MSRA: variants seen among roughly 807,000 people sequenced by gnomAD.
MSRA encodes the protein mitochondrial peptide methionine sulfoxide reductase.
Under a neutral mutation model 31.3 loss-of-function variants are expected in MSRA, and 54 were observed. The ratio of observed to expected loss-of-function variants is 1.73; its 90% CI spans 1.39 to 2.17. The LOEUF is 2.17. Ranked by LOEUF, MSRA falls within the 30% of genes most tolerant of loss-of-function variation. The pLI, the probability that MSRA is intolerant of heterozygous loss-of-function variation, is 0.00. For synonymous variants in MSRA, 169 were observed against 116.5 expected (o/e 1.45, Z -2.90); for missense variants, 507 against 300.9 (o/e 1.69, Z -5.07).
chr8:10,054,568 T>G lies in MSRA; in HGVS notation c.52T>G (p.Phe18Val). The change falls in exon 1 of 6, where the codon TTT becomes GTT. Residue 18 changes from phenylalanine to valine, a missense_variant. Physicochemically the swap from Phe to Val is conservative, Grantham distance 50. Transcript: ENST00000317173. Reference protein sequence around the residue: ...ACQLLLLHSLFPVPRMGNSAS... With the variant: ...ACQLLLLHSLVPVPRMGNSAS... ...CCAGCTCCTCCTCCTCCACAGCCTC[T>G]TTCCCGTCCCGAGGATGGGCAACTC... 6.3e-7 allele frequency: 1 copy of G among 1,587,412 alleles called. No individual in the cohort carries two copies. Among genetic ancestry groups the G allele is most frequent in the Non-Finnish European group, 8.6e-7 (1 of 1,167,106 alleles).
chr8:10,284,583 C>T (rs986607908), intron 3 of MSRA, among the ~76,000 whole-genome samples: 1 of 152,204 alleles, frequency 6.6e-6, no homozygotes, highest in African/African-American at 2.4e-5. Context: ...ACATTGGATT[C>T]ATGTCCATTA....
chr8:10,393,319 C>G (rs1307935846), intron 5 of MSRA, among the ~76,000 whole-genome samples: 1 of 152,132 alleles, frequency 6.6e-6, no homozygotes, highest in African/African-American at 2.4e-5. Context: ...ATTCTTCCAT[C>G]GAATTTTCCA....
chr8:10,356,717 C>G (rs1438201740), intron 5 of MSRA, among the ~76,000 whole-genome samples: 1 of 152,000 alleles, frequency 6.6e-6, no homozygotes, highest in East Asian at 1.9e-4. Context: ...AGGAGGCAGT[C>G]CCTCACCAGA....
chr8:10,374,307 G>A (rs1223195210), intron 5 of MSRA, among the ~76,000 whole-genome samples: 1 of 152,174 alleles, frequency 6.6e-6, no homozygotes, highest in Non-Finnish European at 1.5e-5. Context: ...AAGGGCTGGT[G>A]GTATTGGATG....
chr8:10,198,994 C>G (rs1353713379), intron 1 of MSRA, among the ~76,000 whole-genome samples: 3 of 152,190 alleles, frequency 2.0e-5, no homozygotes, highest in East Asian at 1.9e-4. Context: ...TTGCACGAAT[C>G]AAAGCTAGTC....
In MSRA at chr8:10,203,685, A is replaced by G. The variant is rs112761535; in HGVS notation, c.143-4148A>G. Among the ~76,000 whole-genome samples, 1,074 of 152,358 alleles carry G rather than the reference A, an allele frequency of 7.0e-3. 21 individuals are homozygous for G. Among genetic ancestry groups the G allele is most frequent in the African/African-American group, 0.024 (1,004 of 41,588 alleles). On this transcript the variant is annotated intron_variant, in intron 1 of 5. Coordinates refer to ENST00000317173, the MANE Select transcript of MSRA (RefSeq NM_012331.5). ...AAACAATGATGTTACTGGCTTATGT[A>G]TTTGCTATACTATACTTTTTGTCCT... is the stretch of plus-strand genomic sequence containing the variant.
intron 1 of MSRA, among the ~76,000 whole-genome samples, chr8:10,154,014 A>G (rs1202988290): frequency 6.6e-6 from 1 of 152,240 alleles, no homozygotes; most frequent in Non-Finnish European, 1.5e-5. Context: ...GTTTAAATCA[A>G]AACCAATGTG....
At chr8:10,370,161 G>A (rs1805397721) in intron 5 of MSRA, among the ~76,000 whole-genome samples, 1 of 152,120 alleles carries the variant, frequency 6.6e-6, no homozygotes, top group African/African-American at 2.4e-5. Context: ...ATTCCCTCAA[G>A]CCTGGTTCAT....
intron 1 of MSRA, among the ~76,000 whole-genome samples, chr8:10,134,057 C>T (rs1057270676): frequency 6.6e-6 from 1 of 152,152 alleles, no homozygotes; most frequent in African/African-American, 2.4e-5. Flanking sequence ...TCTCCCAACT[C>T]CTGACCTCAG....
chr8:10,400,787 G>A (rs1278449469), intron 5 of MSRA, among the ~76,000 whole-genome samples: 1 of 152,160 alleles, frequency 6.6e-6, no homozygotes, highest in Non-Finnish European at 1.5e-5. Context: ...AGATGGTGCT[G>A]GGACAACTGG....
chr8:10,419,976 G>A (rs1219903754), intron 5 of MSRA, among the ~76,000 whole-genome samples: 2 of 152,190 alleles, frequency 1.3e-5, no homozygotes, highest in African/African-American at 4.8e-5. Context: ...TGATACAACA[G>A]GCTGGAGCAT....
At chr8:10,056,092 T>C (rs570566516) in intron 1 of MSRA, among the ~76,000 whole-genome samples, 1 of 151,222 alleles carries the variant, frequency 6.6e-6, no homozygotes, top group South Asian at 2.1e-4. Context: ...CAGGAATTTA[T>C]ACGTGCATGT....
chr8:10,207,945 A>C (rs371614208), intron 2 of MSRA, 44 bp downstream of exon 2: 1 of 1,509,646 alleles, frequency 6.6e-7, no homozygotes, highest in Non-Finnish European at 9.1e-7. Flanking sequence ...GTGTGCAAAG[A>C]CTAGTGCCAA....
At chr8:10,167,660 C>A (rs1471268808) in intron 1 of MSRA, among the ~76,000 whole-genome samples, 1 of 152,130 alleles carries the variant, frequency 6.6e-6, no homozygotes, top group Admixed American at 6.5e-5. Context: ...GCATCTTTTG[C>A]TCCCCTACAT....
intron 1 of MSRA, among the ~76,000 whole-genome samples, chr8:10,061,190 C>A (rs1309508068): frequency 6.6e-6 from 1 of 152,138 alleles, no homozygotes; most frequent in African/African-American, 2.4e-5. Context: ...AGAACCCCAT[C>A]TTCTGCCTAA....
chr8:10,219,471 C>T (rs1001318255), intron 2 of MSRA, among the ~76,000 whole-genome samples: 1 of 151,900 alleles, frequency 6.6e-6, no homozygotes, highest in Non-Finnish European at 1.5e-5. Flanking sequence ...TTTTTTGGAA[C>T]AGTGTTGTGT....
At chr8:10,191,754 TG>T (rs1034597690) in intron 1 of MSRA, among the ~76,000 whole-genome samples, 25 of 151,866 alleles carry the variant, frequency 1.6e-4, no homozygotes, top group African/African-American at 4.1e-4. Context: ...ATTATAAAGA[TG>T]TTTTTTTTTT....
At chr8:10,246,934 T>C (rs1797653351) in intron 3 of MSRA, among the ~76,000 whole-genome samples, 1 of 152,110 alleles carries the variant, frequency 6.6e-6, no homozygotes, top group Non-Finnish European at 1.5e-5. Flanking sequence ...GGAATGGAAA[T>C]GAGTAGATTC....
chr8:10,200,967 A>C (rs1295511556), intron 1 of MSRA, among the ~76,000 whole-genome samples: 1 of 152,096 alleles, frequency 6.6e-6, no homozygotes, highest in African/African-American at 2.4e-5. Context: ...CAGAGATGGG[A>C]GTGGCTAGTC....
Sources: gnomAD v4.1 joint callset for allele counts (sites outside exome capture counted in the v4.1 genomes callset) on GRCh38, gnomAD v4.1.1 for gene constraint, MANE v1.5 for transcripts, NCBI Gene and HGNC (gene_info 2026-07-23, HGNC 2026-07-21) for gene names.